Variants in RBFOX1 observed in about 807,000 individuals in gnomAD.
RBFOX1 encodes RNA binding fox-1 homolog 1.
RBFOX1 carries 8 observed loss-of-function variants against 57.7 expected under a neutral mutation model. That is an observed-to-expected ratio of 0.14 (90% CI 0.08 to 0.25). The LOEUF is 0.25. Among genes scored for constraint, RBFOX1 ranks in the 10% least tolerant of loss-of-function variants. The pLI, the probability that RBFOX1 is intolerant of heterozygous loss-of-function variation, is 1.00. For synonymous variants in RBFOX1, 326 were observed against 222.4 expected (o/e 1.47, Z -4.15); for missense variants, 611 against 548.5 (o/e 1.11, Z -1.14).
At chr16:5,761,283 G>T (rs1006767383) in intron 3 of RBFOX1, among the ~76,000 whole-genome samples, 4 of 152,182 alleles carry the variant, frequency 2.6e-5, no homozygotes, top group Non-Finnish European at 5.9e-5. Flanking sequence ...ATCACCTTCA[G>T]AATGTGCCCC....
At chr16:7,014,049 G>A (rs2093782203) in intron 3 of RBFOX1, among the ~76,000 whole-genome samples, 1 of 152,168 alleles carries the variant, frequency 6.6e-6, no homozygotes, top group Non-Finnish European at 1.5e-5. Context: ...ATATGTAACA[G>A]TATTCACTCA....
intron 1 of RBFOX1, among the ~76,000 whole-genome samples, chr16:5,442,856 A>T (rs189086214): frequency 6.6e-6 from 1 of 152,288 alleles, no homozygotes; most frequent in Admixed American, 6.5e-5. Context: ...GTCTTTGCAG[A>T]TGTGATTAGG....
intron 4 of RBFOX1, among the ~76,000 whole-genome samples, chr16:7,203,087 A>G (rs902552010): frequency 6.6e-6 from 1 of 152,172 alleles, no homozygotes; most frequent in Non-Finnish European, 1.5e-5. Context: ...CACCCAGCCA[A>G]AGAAATGTTT....
chr16:6,847,314 A>C (rs1603631828), intron 3 of RBFOX1, among the ~76,000 whole-genome samples: 1 of 152,080 alleles, frequency 6.6e-6, no homozygotes, highest in Non-Finnish European at 1.5e-5. Context: ...GCTCTGCTTC[A>C]TGCTATGGGT....
At chr16:5,770,437 T>C (rs1369089336) in intron 3 of RBFOX1, among the ~76,000 whole-genome samples, 2 of 152,164 alleles carry the variant, frequency 1.3e-5, no homozygotes, top group Admixed American at 6.5e-5. Context: ...GAACCCTTGG[T>C]TCAGGAAGCT....
intron 3 of RBFOX1, among the ~76,000 whole-genome samples, chr16:5,834,687 G>GTAGGTAGATAGATAGATAGATAGA (rs1555541440): frequency 2.2e-5 from 3 of 134,864 alleles, no homozygotes; most frequent in South Asian, 2.5e-4. Flanking sequence ...AATGGGATAG[G>GTAGGTAGATAGATAGATAGATAGA]TAGATAGATA....
At chr16:6,861,823 G>GTTTTTTTTTGTT (rs2059060920) in intron 3 of RBFOX1, among the ~76,000 whole-genome samples, 1 of 92,458 alleles carries the variant, frequency 1.1e-5, no homozygotes, top group Non-Finnish European at 1.9e-5. Flanking sequence ...GCGTCCCTTG[G>GTTTTTTTTTGTT]TTTTTTTTTT....
At chr16:7,410,849 G>C (rs866075069) in intron 4 of RBFOX1, among the ~76,000 whole-genome samples, 1 of 151,866 alleles carries the variant, frequency 6.6e-6, no homozygotes, top group Non-Finnish European at 1.5e-5. Flanking sequence ...GTGTGTGTGT[G>C]TGTGTGTGTG....
chr16:6,712,240 A>G (rs2063835511), intron 3 of RBFOX1, among the ~76,000 whole-genome samples: 1 of 152,038 alleles, frequency 6.6e-6, no homozygotes, highest in South Asian at 2.1e-4. Context: ...TCAAAATGGA[A>G]CTCTGCTATG....
chr16:6,921,225 A>C (rs542526154), intron 3 of RBFOX1, among the ~76,000 whole-genome samples: 19 of 152,218 alleles, frequency 1.2e-4, no homozygotes, highest in Non-Finnish European at 2.6e-4. Flanking sequence ...ACACACATTT[A>C]GCAATTTAAA....
At chr16:7,643,479 G>A (rs560295900) in intron 11 of RBFOX1, among the ~76,000 whole-genome samples, 2 of 152,202 alleles carry the variant, frequency 1.3e-5, no homozygotes, top group East Asian at 1.9e-4. Flanking sequence ...ATCTTCCAAG[G>A]CTTTGAAATA....
chr16:6,270,675 G>C, intron 1 of RBFOX1, among the ~76,000 whole-genome samples: 1 of 152,202 alleles, frequency 6.6e-6, no homozygotes, highest in East Asian at 1.9e-4. Context: ...AGGAAAACTA[G>C]ACTGAAAATC....
chr16:6,820,250 C>G (rs2091033441), intron 3 of RBFOX1, among the ~76,000 whole-genome samples: 1 of 152,132 alleles, frequency 6.6e-6, no homozygotes, highest in Non-Finnish European at 1.5e-5. Context: ...ACCTTTTCTT[C>G]TTTATAAATT....
chr16:7,690,156 C>T (rs1029121201), intron 14 of RBFOX1, among the ~76,000 whole-genome samples: 12 of 152,050 alleles, frequency 7.9e-5, no homozygotes, highest in African/African-American at 2.4e-4. Context: ...GAGCATTTTC[C>T]GAACTACTTT....
intron 2 of RBFOX1, among the ~76,000 whole-genome samples, chr16:6,557,377 C>A (rs1295971063): frequency 6.6e-6 from 1 of 151,958 alleles, no homozygotes; most frequent in Non-Finnish European, 1.5e-5. Flanking sequence ...ATACTCAAAT[C>A]GTATTACATC....
At chr16:6,738,564 C>G (rs1002864235) in intron 3 of RBFOX1, among the ~76,000 whole-genome samples, 1 of 152,142 alleles carries the variant, frequency 6.6e-6, no homozygotes, top group African/African-American at 2.4e-5. Flanking sequence ...ATCCATCTCG[C>G]AACAATTTAT....
chr16:7,167,091 T>C (rs1408168388), intron 4 of RBFOX1, among the ~76,000 whole-genome samples: 1 of 147,282 alleles, frequency 6.8e-6, no homozygotes, highest in Non-Finnish European at 1.5e-5. Context: ...GTTCAAGCGA[T>C]TCTCCTGCCT....
chr16:6,807,490 C>G (rs1373208325), intron 3 of RBFOX1, among the ~76,000 whole-genome samples: 1 of 152,038 alleles, frequency 6.6e-6, no homozygotes, highest in Non-Finnish European at 1.5e-5. Context: ...GTTCTGCACT[C>G]ACTAATGGGA....
intron 2 of RBFOX1, among the ~76,000 whole-genome samples, chr16:6,462,809 C>T (rs965770652): frequency 6.6e-6 from 1 of 150,472 alleles, no homozygotes; most frequent in Admixed American, 6.7e-5. Flanking sequence ...TGAGTATACA[C>T]ATGGCACATT....
Sources: gnomAD v4.1 joint callset for allele counts (sites outside exome capture counted in the v4.1 genomes callset) on GRCh38, gnomAD v4.1.1 for gene constraint, MANE v1.5 for transcripts, NCBI Gene and HGNC (gene_info 2026-07-23, HGNC 2026-07-21) for gene names.